The following COP1 variants were observed in gnomAD, a reference collection of about 807,000 sequenced individuals.
COP1 encodes the protein E3 ubiquitin-protein ligase COP1.
COP1 carries 24 observed loss-of-function variants against 101.3 expected under a neutral mutation model. The observed-to-expected ratio is 0.24, with a 90% CI of 0.17 to 0.33. The LOEUF (loss-of-function observed/expected upper bound fraction) is 0.33, where lower values mean the gene tolerates loss of function less well. Among genes scored for constraint, COP1 ranks in the 10% least tolerant of loss-of-function variants. COP1 has a pLI of 1.00. For synonymous variants in COP1, 347 were observed against 341.9 expected, an observed-to-expected ratio of 1.01 and a Z score of -0.17; for missense variants, 663 against 906.2, an observed-to-expected ratio of 0.73 and a Z score of 3.45.
chr1:176,009,880 G>T (rs573386099), intron 15 of COP1, among the ~76,000 whole-genome samples: 2 of 77,326 alleles, frequency 2.6e-5, no homozygotes, highest in South Asian at 5.7e-4. Context: ...GGTTACTTGG[G>T]GGGGGGGGGT....
At chr1:176,102,748 T>C (rs1388558537) in intron 9 of COP1, among the ~76,000 whole-genome samples, 1 of 152,206 alleles carries the variant, frequency 6.6e-6, no homozygotes, top group Non-Finnish European at 1.5e-5. Context: ...TGACCCTCCT[T>C]AAACTGTTCC....
intron 3 of COP1, among the ~76,000 whole-genome samples, chr1:176,169,026 T>A (rs1245081766): frequency 6.6e-6 from 1 of 152,164 alleles, no homozygotes; most frequent in Non-Finnish European, 1.5e-5. Context: ...AAATTTTTTG[T>A]GTGACAATAA....
At chr1:175,947,350 G>C (rs1649305994) in intron 18 of COP1, 111 bp from the exon 19 acceptor site, 3 of 736,210 alleles carry the variant, frequency 4.1e-6, no homozygotes, top group African/African-American at 1.8e-5. Context: ...TAAGACAATT[G>C]AATCTAATAT....
At chr1:176,079,891 G>A (rs1385453012) in intron 11 of COP1, among the ~76,000 whole-genome samples, 1 of 151,820 alleles carries the variant, frequency 6.6e-6, no homozygotes, top group Admixed American at 6.6e-5. Context: ...AAGCAAGCTG[G>A]GTGCAGTTGT....
intron 8 of COP1, among the ~76,000 whole-genome samples, chr1:176,127,399 G>GT (rs1293568172): frequency 6.6e-6 from 1 of 151,984 alleles, no homozygotes; most frequent in African/African-American, 2.4e-5. Flanking sequence ...TGCTCTACTT[G>GT]TATGAGTTCA....
At position 176,154,904 on chromosome 1, in the gene COP1, GTTT is replaced by G. The variant is rs1274741977; in HGVS notation, c.763-5833_763-5831del. Among the ~76,000 whole-genome samples the G allele has an allele frequency of 7.2e-5, 11 of 152,140 alleles. No homozygotes were observed. In the South Asian group the frequency reaches 2.3e-3, roughly 32 times the overall value. ...ATATACTTTCTTCTGCATTAGCTGG[GTTT>G]TTATTTTTAAATAATTTTAATAGAA... On this transcript the variant is annotated intron_variant, in intron 5 of 19. Coordinates refer to ENST00000367669, the MANE Select transcript of COP1 (RefSeq NM_022457.7).
In COP1 at chr1:176,119,645, C is replaced by G. The variant is rs554041450; in HGVS notation, c.969-2964G>C. Among the ~76,000 whole-genome samples, 447 of 139,418 alleles carry G rather than the reference C, an allele frequency of 3.2e-3. 2 individuals are homozygous for G. Among genetic ancestry groups the G allele is most frequent in the African/African-American group, 0.011 (428 of 40,150 alleles). 91.5% of individuals were successfully genotyped at this position (139,418 alleles called of 152,430 possible). On this transcript the variant is annotated intron_variant, in intron 8 of 19. Coordinates refer to ENST00000367669, the MANE Select transcript of COP1 (RefSeq NM_022457.7). ...AATATATACATTATACATTCATACA[C>G]ACACACACACACACACACATATAGA...
At chr1:176,066,723 C>G (rs541883088) in intron 11 of COP1, among the ~76,000 whole-genome samples, 5 of 152,276 alleles carry the variant, frequency 3.3e-5, no homozygotes, top group African/African-American at 1.2e-4. Context: ...TGAATTCAAT[C>G]TCAAATTTCA....
At chr1:175,983,795 T>TA (rs1418989247) in intron 18 of COP1, among the ~76,000 whole-genome samples, 5 of 152,142 alleles carry the variant, frequency 3.3e-5, no homozygotes, top group Admixed American at 6.5e-5. Context: ...TGCTGGGAAA[T>TA]AGAGCAAAGA....
chr1:175,973,929 G>A (rs1238728246), intron 18 of COP1, among the ~76,000 whole-genome samples: 1 of 152,230 alleles, frequency 6.6e-6, no homozygotes, highest in Admixed American at 6.5e-5. Context: ...TTCGGTGTTT[G>A]AGGATCCTAC....
chr1:176,189,930 T>C (rs558984024), intron 1 of COP1, among the ~76,000 whole-genome samples: 1 of 151,844 alleles, frequency 6.6e-6, no homozygotes, highest in South Asian at 2.1e-4. Context: ...AGAATTATTT[T>C]AAAAGGGAGG....
chr1:176,178,403 G>A (rs755489485), intron 2 of COP1, among the ~76,000 whole-genome samples: 1 of 151,652 alleles, frequency 6.6e-6, no homozygotes, highest in Non-Finnish European at 1.5e-5. Context: ...ATGGCTTATG[G>A]TTGTAGCTAA....
At chr1:176,034,356 G>A (rs1669128275) in intron 14 of COP1, among the ~76,000 whole-genome samples, 2 of 152,088 alleles carry the variant, frequency 1.3e-5, no homozygotes, top group South Asian at 4.2e-4. Flanking sequence ...GTGGGCTTCA[G>A]TCACAGAGCT....
intron 19 of COP1, among the ~76,000 whole-genome samples, chr1:175,945,611 G>A (rs1420761315): frequency 6.6e-6 from 1 of 152,142 alleles, no homozygotes; most frequent in Non-Finnish European, 1.5e-5. Context: ...CTTTCCTGCT[G>A]CTTCATCCAT....
intron 6 of COP1, among the ~76,000 whole-genome samples, chr1:176,139,279 CAAAAAAAACAAA>C (rs1436486460): frequency 4.8e-5 from 6 of 124,900 alleles, no homozygotes; most frequent in Non-Finnish European, 8.4e-5. Flanking sequence ...AAAACAAAAA[CAAAAAAAACAAA>C]AAAAAAAAAC....
At chr1:176,086,902 C>A (rs1041774229) in intron 9 of COP1, among the ~76,000 whole-genome samples, 14 of 152,194 alleles carry the variant, frequency 9.2e-5, no homozygotes, top group African/African-American at 1.4e-4. Flanking sequence ...TACTGGTACC[C>A]AAACAGAGAT....
At chr1:175,959,946 TTG>T (rs142355944) in intron 18 of COP1, among the ~76,000 whole-genome samples, 6,363 of 152,262 alleles carry the variant, frequency 0.042, 158 homozygotes, top group Non-Finnish European at 0.048. Flanking sequence ...TTATCTTGTT[TTG>T]TGTTTCAGGT....
chr1:175,996,097 G>A (rs1284883999), intron 15 of COP1, among the ~76,000 whole-genome samples: 110 of 151,700 alleles, frequency 7.3e-4, no homozygotes, highest in South Asian at 2.1e-3. Flanking sequence ...TTCAAAACAG[G>A]CAAATCAATA....
At chr1:176,068,778 A>C (rs975857232) in intron 11 of COP1, among the ~76,000 whole-genome samples, 4 of 152,218 alleles carry the variant, frequency 2.6e-5, no homozygotes, top group Admixed American at 2.6e-4. Flanking sequence ...AATTGAATAT[A>C]TGTGAATAAT....
Sources: gnomAD v4.1 joint callset for allele counts (sites outside exome capture counted in the v4.1 genomes callset) on GRCh38, gnomAD v4.1.1 for gene constraint, MANE v1.5 for transcripts, NCBI Gene and HGNC (gene_info 2026-07-23, HGNC 2026-07-21) for gene names.